SETBP1: variants seen among roughly 807,000 people sequenced by gnomAD.
SETBP1 encodes the protein SET binding protein 1, also known as SET-binding protein.
Under a neutral mutation model 101.0 loss-of-function variants are expected in SETBP1, and 9 were observed. That is an observed-to-expected ratio of 0.09 (90% CI 0.05 to 0.16). The LOEUF is 0.16. Ranked by LOEUF, SETBP1 falls within the 10% of genes least tolerant of loss-of-function variation. The probability of loss-of-function intolerance (pLI) is 1.00; values close to 1 mark genes in which losing one functional copy is unlikely to be tolerated. For synonymous variants in SETBP1, 818 were observed against 788.5 expected (o/e 1.04, Z -0.63); for missense variants, 1,858 against 2,033.8 (o/e 0.91, Z 1.66).
rs144838097 is a variant in SETBP1 at position 44,747,913 on chromosome 18, C to T, written c.486+46081C>T. Among the ~76,000 whole-genome samples, 461 of 152,298 alleles carry T rather than the reference C, an allele frequency of 3.0e-3. 4 individuals carry two copies. The highest frequency in any genetic ancestry group is 0.011 in the African/African-American group (456 of 41,556). On this transcript the variant is annotated intron_variant, in intron 2 of 5. Coordinates refer to ENST00000649279, the MANE Select transcript of SETBP1 (RefSeq NM_015559.3). ...GATCAGCTATCCCTAGACTGCACTC[C>T]TAGTTCTGATTCTTATGTAGAGACA... is the stretch of plus-strand genomic sequence containing the variant.
chr18:44,849,113 T>C lies in SETBP1; in HGVS notation c.487-20117T>C, dbSNP rs185183538. 3.3e-5 allele frequency among the ~76,000 whole-genome samples: 5 copies of C among 152,330 alleles called. No individual in the cohort carries two copies. The East Asian group carries it at 9.6e-4, about 29-fold the overall frequency. ...CAACATGCTGTGTACTGACTGGATGTCTGTGCCAGAACGTCCCCCATCTGC... is the reference window on the plus strand; with the variant it reads ...CAACATGCTGTGTACTGACTGGATGCCTGTGCCAGAACGTCCCCCATCTGC... On this transcript the variant is annotated intron_variant, in intron 2 of 5. Coordinates refer to ENST00000649279, the MANE Select transcript of SETBP1 (RefSeq NM_015559.3).
At chr18:45,017,985 A>T (rs1026284810) in intron 4 of SETBP1, among the ~76,000 whole-genome samples, 1 of 152,200 alleles carries the variant, frequency 6.6e-6, no homozygotes, top group African/African-American at 2.4e-5. Flanking sequence ...GGACAGTGTC[A>T]CCAACAATGT....
At chr18:44,806,338 A>G (rs1223740627) in intron 2 of SETBP1, among the ~76,000 whole-genome samples, 1 of 152,084 alleles carries the variant, frequency 6.6e-6, no homozygotes. Context: ...TGGTCACAAG[A>G]CCTTGTCCCC....
intron 3 of SETBP1, among the ~76,000 whole-genome samples, chr18:44,873,089 G>T (rs146616919): frequency 1.5e-5 from 2 of 130,922 alleles, no homozygotes; most frequent in Admixed American, 7.5e-5. Flanking sequence ...GATAAGAAGA[G>T]AGTAAACAAG....
At chr18:44,826,667 G>A (rs558007050) in intron 2 of SETBP1, among the ~76,000 whole-genome samples, 69 of 152,190 alleles carry the variant, frequency 4.5e-4, no homozygotes, top group African/African-American at 1.4e-3. Flanking sequence ...TGAAGGGAGC[G>A]TTCTTGGACA....
intron 4 of SETBP1, among the ~76,000 whole-genome samples, chr18:44,980,699 G>T (rs1480555614): frequency 6.6e-6 from 1 of 152,178 alleles, no homozygotes; most frequent in East Asian, 1.9e-4. Flanking sequence ...CACAGAAGGT[G>T]CAGGCCTCCA....
chr18:44,938,900 A>G (rs2071021966), intron 3 of SETBP1, among the ~76,000 whole-genome samples: 1 of 151,560 alleles, frequency 6.6e-6, no homozygotes, highest in Non-Finnish European at 1.5e-5. Context: ...GGGCCGCCCT[A>G]TGTTTCACTG....
chr18:44,836,560 C>G (rs572047658), intron 2 of SETBP1, among the ~76,000 whole-genome samples: 69 of 152,328 alleles, frequency 4.5e-4, no homozygotes, highest in Middle Eastern at 3.4e-3. Flanking sequence ...CTTCCCTAGT[C>G]TAGAAGAATG....
At chr18:44,958,941 G>T (rs146743770) in intron 4 of SETBP1, among the ~76,000 whole-genome samples, 170 of 151,864 alleles carry the variant, frequency 1.1e-3, no homozygotes, top group African/African-American at 3.7e-3. Context: ...TGGAAACCAA[G>T]AATTAATCAA....
chr18:44,963,899 CAAAAAAAAAAAA>C (rs59077847), intron 4 of SETBP1, among the ~76,000 whole-genome samples: 1 of 41,618 alleles, frequency 2.4e-5, no homozygotes, highest in Non-Finnish European at 3.8e-5. Context: ...GACCCCATCT[CAAAAAAAAAAAA>C]AAAAAAAAAA....
At chr18:45,001,027 G>C (rs2072607390) in intron 4 of SETBP1, among the ~76,000 whole-genome samples, 1 of 152,140 alleles carries the variant, frequency 6.6e-6, no homozygotes, top group South Asian at 2.1e-4. Flanking sequence ...GTGTGATATG[G>C]TCATTCATTC....
chr18:44,821,585 G>T (rs933768277), intron 2 of SETBP1, among the ~76,000 whole-genome samples: 2 of 152,120 alleles, frequency 1.3e-5, no homozygotes, highest in African/African-American at 2.4e-5. Context: ...TTATTGTCTT[G>T]TTTATGTACC....
chr18:44,798,293 G>T (rs150978562), intron 2 of SETBP1, among the ~76,000 whole-genome samples: 105 of 152,186 alleles, frequency 6.9e-4, no homozygotes, highest in African/African-American at 2.5e-3. Context: ...AAAATCTGAA[G>T]ATCTCATAGA....
intron 4 of SETBP1, among the ~76,000 whole-genome samples, chr18:45,014,298 T>A (rs1357294660): frequency 6.6e-6 from 1 of 152,148 alleles, no homozygotes; most frequent in Non-Finnish European, 1.5e-5. Flanking sequence ...ACTGGTTTAG[T>A]TTGTGGGCCA....
chr18:44,989,119 A>C (rs910293767), intron 4 of SETBP1: 5 of 152,236 alleles, frequency 3.3e-5, no homozygotes, highest in Admixed American at 6.5e-5. Context: ...CAGCAGAAGC[A>C]ACAAGGAGTA....
At chr18:44,812,427 C>T (rs567231682) in intron 2 of SETBP1, among the ~76,000 whole-genome samples, 1 of 152,230 alleles carries the variant, frequency 6.6e-6, no homozygotes, top group African/African-American at 2.4e-5. Context: ...AGTGTCAGGG[C>T]CGTAAAATAG....
chr18:44,876,829 A>G, intron 3 of SETBP1: 3 of 1,433,616 alleles, frequency 2.1e-6, no homozygotes, highest in Non-Finnish European at 2.8e-6. Flanking sequence ...GACTTGCCCA[A>G]GATTGTAAAC....
intron 3 of SETBP1, among the ~76,000 whole-genome samples, chr18:44,946,146 C>T (rs2071201111): frequency 6.6e-6 from 1 of 152,200 alleles, no homozygotes; most frequent in Admixed American, 6.5e-5. Context: ...TTCTCTGCAG[C>T]CCAGCTGAGT....
intron 4 of SETBP1, among the ~76,000 whole-genome samples, chr18:45,005,105 G>A (rs1009792147): frequency 1.3e-5 from 2 of 152,172 alleles, no homozygotes; most frequent in Non-Finnish European, 2.9e-5. Flanking sequence ...CAAGAGAGAT[G>A]CCAACCATCA....
Sources: allele counts gnomAD v4.1 joint callset (sites outside exome capture counted in the v4.1 genomes callset), GRCh38; gene constraint gnomAD v4.1.1; transcripts MANE v1.5; gene names NCBI Gene and HGNC (gene_info 2026-07-23, HGNC 2026-07-21).